Variants in RPS6KC1 observed in about 807,000 individuals in gnomAD.
The protein encoded by RPS6KC1 is ribosomal protein S6 kinase C1, also known as inactive ribosomal protein S6 kinase delta-1.
RPS6KC1 carries 54 observed loss-of-function variants against 103.8 expected under a neutral mutation model. The ratio of observed to expected loss-of-function variants is 0.52; its 90% confidence interval spans 0.42 to 0.65. The LOEUF (loss-of-function observed/expected upper bound fraction) is 0.65, where lower values mean the gene tolerates loss of function less well. Ranked by LOEUF, RPS6KC1 falls within the 30% of genes least tolerant of loss-of-function variation. RPS6KC1 has a pLI of 0.00. For synonymous variants in RPS6KC1, 439 were observed against 438.7 expected (o/e 1.00, Z -0.01); for missense variants, 1,151 against 1,253.8 (o/e 0.92, Z 1.24).
At chr1:213,151,207 CCAGGCGGGGGGCTGA>C in intron 6 of RPS6KC1, among the ~76,000 whole-genome samples, 1 of 135,764 alleles carries the variant, frequency 7.4e-6, no homozygotes, top group Non-Finnish European at 1.6e-5. Flanking sequence ...GGGCGGCTGG[CCAGGCGGGGGGCTGA>C]CCCCCCCACC....
the RPS6KC1 span, among the ~76,000 whole-genome samples, chr1:213,630,363 G>T: frequency 6.6e-6 from 1 of 151,996 alleles, no homozygotes; most frequent in Non-Finnish European, 1.5e-5. Flanking sequence ...TTTTCCAGTT[G>T]ATCAAATCGG....
chr1:213,780,556 A>G, the RPS6KC1 span, among the ~76,000 whole-genome samples: 1 of 152,226 alleles, frequency 6.6e-6, no homozygotes, highest in African/African-American at 2.4e-5. Flanking sequence ...ATCTGGGCCA[A>G]GAAGAATTCT....
the RPS6KC1 span, among the ~76,000 whole-genome samples, chr1:213,577,555 T>G: frequency 0.012 from 1,845 of 152,244 alleles, 23 homozygotes; most frequent in African/African-American, 0.038. Context: ...CCTAGAGACT[T>G]ATCGAAATGT....
the RPS6KC1 span, among the ~76,000 whole-genome samples, chr1:213,720,740 A>G: frequency 1.3e-5 from 2 of 152,204 alleles, no homozygotes. Context: ...ACACTTTTGC[A>G]AAAGAAAAAT....
At chr1:213,497,428 C>T in the RPS6KC1 span, among the ~76,000 whole-genome samples, 2 of 150,108 alleles carry the variant, frequency 1.3e-5, no homozygotes, top group Non-Finnish European at 3.0e-5. Context: ...ACAATTAAAC[C>T]CCATCCAAAC....
chr1:213,244,386 C>T lies in RPS6KC1; in HGVS notation c.2911+1728C>T, dbSNP rs561266513. 3.9e-4 allele frequency among the ~76,000 whole-genome samples: 60 copies of T among 152,154 alleles called. 1 individual carries two copies. In the South Asian group the frequency reaches 0.012, roughly 29 times the overall value. On this transcript the variant is annotated intron_variant, in intron 12 of 14. Transcript: ENST00000366960. Reference sequence around the variant, plus strand: ...GTGAAGTACAGTGGGAACCATATAACAAAACAAAACCACACATTTATGGAA... The same window carrying T: ...GTGAAGTACAGTGGGAACCATATAATAAAACAAAACCACACATTTATGGAA...
chr1:213,627,131 A>T, the RPS6KC1 span, among the ~76,000 whole-genome samples: 2 of 152,142 alleles, frequency 1.3e-5, no homozygotes, highest in Non-Finnish European at 2.9e-5. Flanking sequence ...CTCCTTGAAG[A>T]GGTCCTTCAC....
rs1244646438 is a variant in RPS6KC1, at chr1:213,129,694, A to G, written c.640A>G (p.Ser214Gly). Reference sequence around the variant, plus strand: ...GGCTGTTGCTTCTGACAGTGAACAGAGCAAAACAGAAGAAGAACGGGAAAG... The same window carrying G: ...GGCTGTTGCTTCTGACAGTGAACAGGGCAAAACAGAAGAAGAACGGGAAAG... ...LGAVASDSEQ[S>G]KTEEERESRS... is the part of the protein sequence containing the mutation. The change falls in exon 6 of 15, where the codon AGC becomes GGC. Residue 214 changes from serine to glycine, a missense_variant. By Grantham distance (56) the Ser-to-Gly change is moderately conservative (BLOSUM62 0). This residue lies in a region of RPS6KC1 where 959 missense variants were observed against 1,006.3 expected (regional missense o/e 0.95). Transcript: ENST00000366960. The G allele has an allele frequency of 6.2e-7, 1 of 1,614,078 alleles. No individual in the cohort carries two copies. Among genetic ancestry groups the G allele is most frequent in the South Asian group, 1.1e-5 (1 of 91,076 alleles).
At chr1:213,546,613 A>G in the RPS6KC1 span, among the ~76,000 whole-genome samples, 2 of 152,166 alleles carry the variant, frequency 1.3e-5, no homozygotes, top group African/African-American at 4.8e-5. Context: ...TTAGAATTTT[A>G]TATGTTAGGA....
At chr1:213,147,740 T>A (rs2088051908) in intron 6 of RPS6KC1, among the ~76,000 whole-genome samples, 1 of 152,248 alleles carries the variant, frequency 6.6e-6, no homozygotes, top group South Asian at 2.1e-4. Flanking sequence ...AGAACGTCAT[T>A]GATATTTTGA....
the RPS6KC1 span, among the ~76,000 whole-genome samples, chr1:213,635,725 C>T: frequency 1.3e-5 from 2 of 152,214 alleles, no homozygotes; most frequent in African/African-American, 4.8e-5. Context: ...GGGATGCCCT[C>T]TCTCACCACT....
At chr1:213,402,881 G>A in the RPS6KC1 span, among the ~76,000 whole-genome samples, 9 of 151,242 alleles carry the variant, frequency 6.0e-5, no homozygotes, top group East Asian at 1.6e-3. Context: ...GGGGGAGGCC[G>A]AGGCGGGCAG....
At chr1:213,835,156 A>G in the RPS6KC1 span, among the ~76,000 whole-genome samples, 2 of 152,206 alleles carry the variant, frequency 1.3e-5, no homozygotes, top group African/African-American at 4.8e-5. Context: ...TCATGGAAGC[A>G]TCTGGAGCAG....
the RPS6KC1 span, among the ~76,000 whole-genome samples, chr1:213,478,409 G>A: frequency 0.05 from 7,572 of 152,188 alleles, 610 homozygotes; most frequent in African/African-American, 0.17. Context: ...TGATAAAAGT[G>A]TGTTTAGTTT....
At chr1:213,662,428 A>ATTTTTTTTTTTTTTTTTTTTTTT in the RPS6KC1 span, among the ~76,000 whole-genome samples, 1 of 120,958 alleles carries the variant, frequency 8.3e-6, no homozygotes, top group Non-Finnish European at 1.7e-5. Flanking sequence ...CACCTGGCTA[A>ATTTTTTTTTTTTTTTTTTTTTTT]TTTTTTTTTT....
At chr1:213,646,528 T>A in the RPS6KC1 span, among the ~76,000 whole-genome samples, 1 of 152,086 alleles carries the variant, frequency 6.6e-6, no homozygotes, top group African/African-American at 2.4e-5. Context: ...TTACTATTAG[T>A]CTAGGTCAGA....
At chr1:213,379,087 C>T in the RPS6KC1 span, among the ~76,000 whole-genome samples, 132 of 152,258 alleles carry the variant, frequency 8.7e-4, no homozygotes, top group African/African-American at 2.7e-3. Context: ...TCAGGCAAGA[C>T]CCTTGACCTT....
At chr1:213,180,340 G>T (rs1476200049) in intron 8 of RPS6KC1, among the ~76,000 whole-genome samples, 1 of 152,176 alleles carries the variant, frequency 6.6e-6, no homozygotes, top group Non-Finnish European at 1.5e-5. Flanking sequence ...AAGGTAGTTA[G>T]GGAAGAGACT....
chr1:213,265,336 C>G (rs1244585901), intron 14 of RPS6KC1, among the ~76,000 whole-genome samples: 1 of 152,104 alleles, frequency 6.6e-6, no homozygotes, highest in Admixed American at 6.5e-5. Context: ...ATTAAATTGA[C>G]TTTAGTAAAA....
Sources: allele counts gnomAD v4.1 joint callset (sites outside exome capture counted in the v4.1 genomes callset), GRCh38; gene constraint gnomAD v4.1.1; regional missense constraint gnomAD v4.1.1; transcripts MANE v1.5; gene names NCBI Gene and HGNC (gene_info 2026-07-23, HGNC 2026-07-21).